The following DNM3 variants were observed in gnomAD, a reference collection of about 807,000 sequenced individuals.
DNM3 encodes the protein dynamin-3.
A neutral mutation model predicts 101.6 loss-of-function variants in DNM3; 47 were observed. The observed-to-expected ratio is 0.46, with a 90% CI of 0.37 to 0.59. The LOEUF is 0.59. Ranked by LOEUF, DNM3 falls within the 20% of genes least tolerant of loss-of-function variation. The probability of loss-of-function intolerance (pLI) is 0.00; values close to 1 mark genes in which losing one functional copy is unlikely to be tolerated. For missense variants in DNM3, 849 were observed against 1,085.7 expected (o/e 0.78, Z 3.06); for synonymous variants, 385 against 387.9 (o/e 0.99, Z 0.09).
intron 14 of DNM3, among the ~76,000 whole-genome samples, chr1:172,217,066 C>T (rs1279406850): frequency 1.3e-5 from 2 of 152,054 alleles, no homozygotes; most frequent in Non-Finnish European, 2.9e-5. Flanking sequence ...TTATTGGTTA[C>T]AATATCAATG....
intron 2 of DNM3, among the ~76,000 whole-genome samples, chr1:171,985,216 A>G (rs2045158806): frequency 6.6e-6 from 1 of 152,172 alleles, no homozygotes; most frequent in Non-Finnish European, 1.5e-5. Context: ...TTTCCATGGA[A>G]TATATGGCAT....
At chr1:172,017,374 A>G (rs1381063090) in intron 4 of DNM3, among the ~76,000 whole-genome samples, 1 of 152,068 alleles carries the variant, frequency 6.6e-6, no homozygotes, top group Non-Finnish European at 1.5e-5. Context: ...CTTTTGTTGC[A>G]TTCCACAAAT....
chr1:172,148,890 C>G (rs540442224), intron 14 of DNM3, among the ~76,000 whole-genome samples: 1 of 152,184 alleles, frequency 6.6e-6, no homozygotes, highest in Non-Finnish European at 1.5e-5. Context: ...TCTTCCCTTT[C>G]CTGAATCACA....
intron 14 of DNM3, among the ~76,000 whole-genome samples, chr1:172,236,997 C>T (rs559640307): frequency 3.3e-5 from 5 of 152,208 alleles, no homozygotes; most frequent in African/African-American, 9.6e-5. Flanking sequence ...TGTATCGTTT[C>T]GCCAATATTT....
At chr1:172,222,084 T>C (rs2060927959) in intron 14 of DNM3, among the ~76,000 whole-genome samples, 1 of 152,132 alleles carries the variant, frequency 6.6e-6, no homozygotes, top group Non-Finnish European at 1.5e-5. Flanking sequence ...GGATTCACAA[T>C]TCTGATTTTC....
At chr1:172,010,975 T>C (rs1322742147) in intron 4 of DNM3, among the ~76,000 whole-genome samples, 1 of 151,898 alleles carries the variant, frequency 6.6e-6, no homozygotes, top group East Asian at 1.9e-4. Context: ...TGGTTTTTGG[T>C]TGAATACTGG....
At chr1:171,951,401 G>A (rs946432913) in intron 2 of DNM3, among the ~76,000 whole-genome samples, 9 of 152,268 alleles carry the variant, frequency 5.9e-5, no homozygotes, top group African/African-American at 2.2e-4. Flanking sequence ...TATTTTACAT[G>A]CGGTGTTTTG....
chr1:172,164,299 G>A lies in DNM3; in HGVS notation c.1659+33011G>A, dbSNP rs115736031. Among the ~76,000 whole-genome samples the A allele has an allele frequency of 9.8e-3, 1,461 of 149,094 alleles. 16 individuals carry two copies. The highest frequency in any genetic ancestry group is 0.034 in the African/African-American group (1,369 of 40,118). On this transcript the variant is annotated intron_variant, in intron 14 of 20. Coordinates refer to ENST00000627582, the MANE Select transcript of DNM3 (RefSeq NM_015569.5). Reference sequence around the variant, plus strand: ...ATGACACAATCTAAGGTGACAGGCAGTGTTAAGGTCTGTGTTCAGGTTAGG... The same window carrying A: ...ATGACACAATCTAAGGTGACAGGCAATGTTAAGGTCTGTGTTCAGGTTAGG...
intron 10 of DNM3, among the ~76,000 whole-genome samples, chr1:172,056,948 A>G (rs974243061): frequency 1.3e-5 from 2 of 152,070 alleles, no homozygotes; most frequent in Non-Finnish European, 2.9e-5. Context: ...AACTTTGAAA[A>G]AAATTTAGAC....
intron 9 of DNM3, among the ~76,000 whole-genome samples, chr1:172,046,563 A>C (rs1276196849): frequency 2.1e-5 from 3 of 140,660 alleles, no homozygotes; most frequent in African/African-American, 8.4e-5. Context: ...AATAATAATA[A>C]AAAAAAGAAA....
At chr1:172,017,648 T>G (rs1353305257) in intron 4 of DNM3, among the ~76,000 whole-genome samples, 1 of 152,184 alleles carries the variant, frequency 6.6e-6, no homozygotes, top group Non-Finnish European at 1.5e-5. Context: ...CAAGTTCATG[T>G]GAACTAGAGA....
chr1:171,964,331 G>A lies in DNM3; in HGVS notation c.236-23325G>A, dbSNP rs79966644. On this transcript the variant is annotated intron_variant, in intron 2 of 20. Coordinates refer to ENST00000627582, the MANE Select transcript of DNM3 (RefSeq NM_015569.5). ...GCTTCACCTACATAATAAGAACCTCGGCCTCTACAACCTCTTATCATAACC... is the reference window on the plus strand; with the variant it reads ...GCTTCACCTACATAATAAGAACCTCAGCCTCTACAACCTCTTATCATAACC... Among the ~76,000 whole-genome samples, 1,350 of 152,078 alleles carry A rather than the reference G, an allele frequency of 8.9e-3. 15 individuals are homozygous for A. Among genetic ancestry groups the A allele is most frequent in the African/African-American group, 0.031 (1,278 of 41,482 alleles).
chr1:172,249,107 T>C (rs1180634407), intron 14 of DNM3, among the ~76,000 whole-genome samples: 1 of 152,184 alleles, frequency 6.6e-6, no homozygotes, highest in African/African-American at 2.4e-5. Context: ...GCAGGTCCTT[T>C]GCATATGCAG....
chr1:172,362,274 G>A (rs563250557), intron 17 of DNM3, among the ~76,000 whole-genome samples: 179 of 152,030 alleles, frequency 1.2e-3, no homozygotes, highest in African/African-American at 3.9e-3. Flanking sequence ...AAGCCTTAAC[G>A]ATAAGAAATG....
chr1:172,232,170 C>A (rs2061362649), intron 14 of DNM3, among the ~76,000 whole-genome samples: 1 of 151,932 alleles, frequency 6.6e-6, no homozygotes, highest in South Asian at 2.1e-4. Context: ...CACACATAGG[C>A]TCAAAATAAA....
At chr1:172,008,866 T>C (rs2046887275) in intron 4 of DNM3, among the ~76,000 whole-genome samples, 1 of 139,284 alleles carries the variant, frequency 7.2e-6, no homozygotes, top group African/African-American at 2.6e-5. Flanking sequence ...TATTACTATA[T>C]AAATAATATT....
chr1:172,035,647 G>T (rs939903111), intron 6 of DNM3, among the ~76,000 whole-genome samples: 1 of 152,132 alleles, frequency 6.6e-6, no homozygotes, highest in African/African-American at 2.4e-5. Context: ...GTGGAAATCA[G>T]GTATTTTTAT....
intron 13 of DNM3, chr1:172,093,845 T>G: frequency 1.1e-6 from 1 of 929,882 alleles, no homozygotes; most frequent in Middle Eastern, 2.3e-4. Context: ...TAAACTTAGG[T>G]TGTCTTGTCC....
intron 4 of DNM3, among the ~76,000 whole-genome samples, chr1:171,990,658 G>T (rs963416616): frequency 2.6e-5 from 4 of 152,158 alleles, no homozygotes; most frequent in Non-Finnish European, 5.9e-5. Flanking sequence ...TTGAGGAAGG[G>T]TAGCTATGTG....
Sources: gnomAD v4.1 joint callset for allele counts (sites outside exome capture counted in the v4.1 genomes callset) on GRCh38, gnomAD v4.1.1 for gene constraint, MANE v1.5 for transcripts, NCBI Gene and HGNC (gene_info 2026-07-23, HGNC 2026-07-21) for gene names.